LCORL: variants seen among roughly 807,000 people sequenced by gnomAD.
LCORL encodes the protein ligand-dependent nuclear receptor corepressor-like protein.
LCORL carries 41 observed loss-of-function variants against 141.8 expected under a neutral mutation model. That is an observed-to-expected ratio of 0.29 (90% CI 0.23 to 0.38). The LOEUF is 0.38. LCORL is among the 10% of genes least tolerant of loss of function. LCORL has a pLI of 1.00. For synonymous variants in LCORL, 618 were observed against 694.1 expected, an observed-to-expected ratio of 0.89 and a Z score of 1.72; for missense variants, 1,759 against 2,035.0, an observed-to-expected ratio of 0.86 and a Z score of 2.61.
At chr4:17,861,127 T>C (rs1380430575) in intron 7 of LCORL, among the ~76,000 whole-genome samples, 1 of 152,206 alleles carries the variant, frequency 6.6e-6, no homozygotes, top group Non-Finnish European at 1.5e-5. Context: ...AGTGCCCCAG[T>C]AGGGACTCTG....
In LCORL at chr4:17,955,040, T is replaced by C. The variant is rs543338165; in HGVS notation, c.430+6863A>G. Among the ~76,000 whole-genome samples the C allele has an allele frequency of 6.5e-4, 99 of 152,246 alleles. 1 individual carries two copies. The highest frequency in any genetic ancestry group is 2.4e-3 in the African/African-American group (99 of 41,542). On this transcript the variant is annotated intron_variant, in intron 4 of 7. Transcript: ENST00000635767. ...CACATGATAATTAAACCCATAGGAC[T>C]GAGTGAGGTTATCAAGTGAGTGAAT...
intron 1 of LCORL, among the ~76,000 whole-genome samples, chr4:17,988,876 TCAGGAGGCAAGG>T (rs1235634100): frequency 1.3e-5 from 2 of 152,034 alleles, no homozygotes; most frequent in Non-Finnish European, 2.9e-5. Context: ...TCCCAGCTTC[TCAGGAGGCAAGG>T]CAGGAGAATC....
At chr4:17,889,756 T>C (rs1394446833) in intron 5 of LCORL, among the ~76,000 whole-genome samples, 1 of 151,960 alleles carries the variant, frequency 6.6e-6, no homozygotes, top group East Asian at 1.9e-4. Context: ...GGGAAGGATA[T>C]TTTCTTTTTC....
At chr4:17,886,942 G>A (rs1025972288) in intron 5 of LCORL, among the ~76,000 whole-genome samples, 5 of 152,004 alleles carry the variant, frequency 3.3e-5, no homozygotes, top group Middle Eastern at 3.2e-3. Context: ...AAAGAATTCC[G>A]TGAATGTTTT....
intron 4 of LCORL, among the ~76,000 whole-genome samples, chr4:17,949,822 T>G (rs1449689455): frequency 6.6e-6 from 1 of 152,132 alleles, no homozygotes; most frequent in African/African-American, 2.4e-5. Context: ...ACAGAGGGGT[T>G]TGAGAAACTT....
intron 4 of LCORL, among the ~76,000 whole-genome samples, chr4:17,925,733 T>G (rs1735017127): frequency 6.6e-6 from 1 of 151,770 alleles, no homozygotes; most frequent in African/African-American, 2.4e-5. Context: ...TAGCCAGGTG[T>G]GGTGGCACGC....
exon 6 of LCORL, chr4:17,886,147 C>G (rs780294822): frequency 1.3e-6 from 2 of 1,589,384 alleles, no homozygotes; most frequent in Non-Finnish European, 1.7e-6. Context: ...GTAGAGAGAT[C>G]TAACACTCCA....
At chr4:17,969,710 T>C (rs1262234441) in intron 2 of LCORL, among the ~76,000 whole-genome samples, 1 of 152,184 alleles carries the variant, frequency 6.6e-6, no homozygotes, top group Non-Finnish European at 1.5e-5. Context: ...CTTTAGATTT[T>C]TCCTTTGTTC....
At chr4:17,968,811 T>C (rs1333160206) in intron 2 of LCORL, among the ~76,000 whole-genome samples, 2 of 152,198 alleles carry the variant, frequency 1.3e-5, no homozygotes, top group East Asian at 3.8e-4. Flanking sequence ...TTTTAACCAT[T>C]AAAAAATGTA....
rs151240786 is a variant in LCORL at position 17,859,431 on chromosome 4, A to C, written c.5603-13530T>G. Reference sequence around the variant, plus strand: ...ATTCAGGAAAAATATATTTTTAAAAATGTGATATACAGACTTTTATAGACA... The same window carrying C: ...ATTCAGGAAAAATATATTTTTAAAACTGTGATATACAGACTTTTATAGACA... On this transcript the variant is annotated intron_variant, in intron 7 of 7. Transcript: ENST00000635767. Among the ~76,000 whole-genome samples, 989 of 152,292 alleles carry C rather than the reference A, an allele frequency of 6.5e-3. 15 individuals are homozygous for C. Among genetic ancestry groups the C allele is most frequent in the African/African-American group, 0.023 (952 of 41,560 alleles).
intron 5 of LCORL, among the ~76,000 whole-genome samples, chr4:17,889,254 T>C (rs1240862619): frequency 6.6e-6 from 1 of 152,160 alleles, no homozygotes; most frequent in Non-Finnish European, 1.5e-5. Context: ...CTTCTGATTC[T>C]TTCTCTTTAG....
chr4:17,855,776 C>T (rs1315078441), intron 7 of LCORL, among the ~76,000 whole-genome samples: 1 of 152,092 alleles, frequency 6.6e-6, no homozygotes, highest in Non-Finnish European at 1.5e-5. Context: ...GGGAGCCCAG[C>T]CAAGATCAGA....
intron 6 of LCORL, chr4:17,881,333 C>T: frequency 1.0e-6 from 1 of 981,400 alleles, no homozygotes; most frequent in Non-Finnish European, 1.2e-6. Flanking sequence ...ACATAAAGGT[C>T]ATCTTAATAG....
intron 4 of LCORL, among the ~76,000 whole-genome samples, chr4:17,925,878 CAAAAAAA>C (rs71167343): frequency 1.7e-3 from 161 of 96,586 alleles, no homozygotes; most frequent in African/African-American, 7.4e-3. Flanking sequence ...GATTCCATCT[CAAAAAAA>C]AAAAAAAAAA....
Position 17,884,740 on chromosome 4 carries a change from T to C in LCORL, c.776+1328A>G. Reference sequence around the variant, plus strand: ...TTCTTTCCACATAGTCCTCTCTGTTTCTGTGTAGTCTCCTGGATGGATGGA... The same window carrying C: ...TTCTTTCCACATAGTCCTCTCTGTTCCTGTGTAGTCTCCTGGATGGATGGA... On this transcript the variant is annotated intron_variant, in intron 6 of 7. Coordinates refer to ENST00000635767, the Ensembl canonical transcript of LCORL. The surrounding 1 kb of genome is among the most constrained non-coding windows in gnomAD (Gnocchi z 4.4). 6.8e-7 allele frequency: 1 copy of C among 1,466,844 alleles called. No individual in the cohort carries two copies. The highest frequency in any genetic ancestry group is 9.0e-7 in the Non-Finnish European group (1 of 1,108,322). The allele number at this position is 1,466,844 out of a possible 1,614,324, so 90.9% of individuals were successfully genotyped here.
exon 7 of LCORL, chr4:17,873,698 A>G (rs1246332700): frequency 5.7e-6 from 7 of 1,233,640 alleles, no homozygotes; most frequent in African/African-American, 1.6e-5. Flanking sequence ...ATTCTTCCAT[A>G]TGAGTCTGAT....
At chr4:17,967,580 A>G (rs1715155630) in intron 2 of LCORL, among the ~76,000 whole-genome samples, 1 of 152,226 alleles carries the variant, frequency 6.6e-6, no homozygotes, top group Non-Finnish European at 1.5e-5. Flanking sequence ...AAATCATATT[A>G]TACCTTTATA....
At chr4:17,960,260 C>T (rs1184982330) in intron 4 of LCORL, 1 of 154,314 alleles carries the variant, frequency 6.5e-6, no homozygotes, top group African/African-American at 2.4e-5. Context: ...TCCAAGAACA[C>T]TCACCCAACC....
chr4:17,925,251 C>T (rs1734936866), intron 4 of LCORL, among the ~76,000 whole-genome samples: 1 of 152,190 alleles, frequency 6.6e-6, no homozygotes, highest in African/African-American at 2.4e-5. Context: ...AATTAGTCTA[C>T]TGCTCCACAG....
Sources: gnomAD v4.1 joint callset for allele counts (sites outside exome capture counted in the v4.1 genomes callset) on GRCh38, gnomAD v4.1.1 for gene constraint, Gnocchi (gnomAD v3.1) non-coding constraint, MANE v1.5 for transcripts, NCBI Gene and HGNC (gene_info 2026-07-23, HGNC 2026-07-21) for gene names.